APOL5: variants seen among roughly 807,000 people sequenced by gnomAD.
APOL5 encodes the protein apolipoprotein L, 5.
Under a neutral mutation model 35.5 loss-of-function variants are expected in APOL5, and 29 were observed. The ratio of observed to expected loss-of-function variants is 0.82; its 90% CI spans 0.61 to 1.11. APOL5 has a LOEUF of 1.11. Ranked by LOEUF, APOL5 falls within the 50% of genes most tolerant of loss-of-function variation. The probability of loss-of-function intolerance (pLI) is 0.00; values close to 1 mark genes in which losing one functional copy is unlikely to be tolerated. For missense variants in APOL5, 514 were observed against 530.4 expected (o/e 0.97, Z 0.30); for synonymous variants, 188 against 200.2 (o/e 0.94, Z 0.51).
chr22:35,713,696 C>T (rs1191059542), upstream of APOL5, among the ~76,000 whole-genome samples: 2 of 152,126 alleles, frequency 1.3e-5, no homozygotes, highest in African/African-American at 2.4e-5. Context: ...CCAAGGGATC[C>T]TCAGAGATAC....
chr22:35,714,466 C>T (rs1295436299), upstream of APOL5, among the ~76,000 whole-genome samples: 1 of 152,188 alleles, frequency 6.6e-6, no homozygotes, highest in Non-Finnish European at 1.5e-5. Flanking sequence ...GCCATGCCTT[C>T]TCACTATGTG....
At position 35,726,567 on chromosome 22, in the gene APOL5, C is replaced by G; in HGVS notation, c.499C>G (p.Leu167Val). The G allele has an allele frequency of 6.2e-7, 1 of 1,614,162 alleles. No individual in the cohort carries two copies. Among genetic ancestry groups the G allele is most frequent in the Non-Finnish European group, 8.5e-7 (1 of 1,180,034 alleles). ...ALAPVTAGGS[L>V]MLSATGTGLG... Reference sequence around the variant, plus strand: ...AGCACCTGTGACAGCAGGAGGCAGTCTCATGCTCTCAGCAACTGGGACAGG... The same window carrying G: ...AGCACCTGTGACAGCAGGAGGCAGTGTCATGCTCTCAGCAACTGGGACAGG... The change falls in exon 3 of 5, where the codon CTC becomes GTC. Residue 167 changes from leucine (L) to valine (V), a missense_variant. This residue lies in a region of APOL5 where 254 missense variants were observed against 254.7 expected (regional missense o/e 1.00). Coordinates refer to ENST00000249044, the MANE Select transcript of APOL5 (RefSeq NM_030642.1).
intron 3 of APOL5, among the ~76,000 whole-genome samples, chr22:35,727,838 C>A (rs1370075157): frequency 6.6e-6 from 1 of 152,214 alleles, no homozygotes; most frequent in African/African-American, 2.4e-5. Context: ...CATTTCTAGA[C>A]TCTCCTATGT....
intron 2 of APOL5, among the ~76,000 whole-genome samples, chr22:35,725,532 C>T (rs549781434): frequency 3.3e-5 from 5 of 151,448 alleles, no homozygotes; most frequent in South Asian, 4.2e-4. Flanking sequence ...GGATTACAGG[C>T]GTGAGCCACC....
chr22:35,717,296 T>TG (rs1470977541), upstream of APOL5, among the ~76,000 whole-genome samples: 67 of 142,734 alleles, frequency 4.7e-4, no homozygotes, highest in African/African-American at 1.6e-3. Context: ...CCCCGCCACT[T>TG]GGGGGGCTAA....
chr22:35,723,727 G>A (rs990176603), intron 2 of APOL5, among the ~76,000 whole-genome samples: 3 of 152,228 alleles, frequency 2.0e-5, no homozygotes, highest in Non-Finnish European at 4.4e-5. Flanking sequence ...TTGGGAGGCC[G>A]AGGGGAGGTG....
At chr22:35,720,530 C>G (rs375249154) in intron 1 of APOL5, 38 bp from the exon 2 acceptor site, 213 of 1,597,898 alleles carry the variant, frequency 1.3e-4, no homozygotes, top group Non-Finnish European at 1.8e-4. Context: ...GCTGAGATGA[C>G]TCAAGAAGAA....
intron 1 of APOL5, among the ~76,000 whole-genome samples, chr22:35,720,066 C>G (rs886944293): frequency 6.6e-6 from 1 of 152,190 alleles, no homozygotes; most frequent in African/African-American, 2.4e-5. Context: ...GTGTTCCTCT[C>G]GATGTCCAGC....
At chr22:35,727,431 A>G (rs1241083253) in intron 3 of APOL5, among the ~76,000 whole-genome samples, 1 of 151,970 alleles carries the variant, frequency 6.6e-6, no homozygotes, top group Non-Finnish European at 1.5e-5. Context: ...TTGAAATCCC[A>G]TATTTGTGTG....
Position 35,728,745 on chromosome 22 carries a change from G to C in APOL5, c.1149G>C (p.Trp383Cys), listed in dbSNP as rs903449763. ...KPEGSRSPLP[W>C]PVVEHQPRLG... ...CAGGGTCTCGCTCACCTCTCCCCTG[G>C]CCTGTTGTGGAGCACCAGCCTAGGC... The change falls in exon 4 of 5, where the codon TGG becomes TGC. Residue 383 changes from tryptophan to cysteine, a missense_variant. This residue lies in a region of APOL5 where 238 missense variants were observed against 229.1 expected (regional missense o/e 1.04). Transcript: ENST00000249044. 5.0e-6 allele frequency: 8 copies of C among 1,612,790 alleles called. No individual in the cohort carries two copies. The Admixed American group carries it at 1.0e-4, about 20-fold the overall frequency.
chr22:35,728,965 C>T, intron 4 of APOL5, 61 bp downstream of exon 4: 1 of 1,477,240 alleles, frequency 6.8e-7, no homozygotes, highest in Non-Finnish European at 9.0e-7. Context: ...GTAACCCCTC[C>T]TTGGGTGGGT....
rs759754344 is a variant in APOL5, at chr22:35,727,121, G to T, written c.1053G>T (p.Pro351=). The T allele has an allele frequency of 4.0e-5, 65 of 1,610,710 alleles. No individual in the cohort carries two copies. The highest frequency in any genetic ancestry group is 5.2e-5 in the Non-Finnish European group (61 of 1,180,036). Residue 351 remains proline (P), a synonymous_variant, in exon 3 of 5, where the codon CCG becomes CCT. Transcript: ENST00000249044. ...TCACCCAGCACCACCGGCACCTGCC[G>T]CAGAAGGCGAGCCAGACCTGTTCCA... ...DRLTQHHRHL[P]QKASQTCSSS... is the part of the protein sequence containing the mutation.
chr22:35,721,344 G>A (rs1926964696), intron 2 of APOL5, among the ~76,000 whole-genome samples: 1 of 151,998 alleles, frequency 6.6e-6, no homozygotes, highest in African/African-American at 2.4e-5. Context: ...GGAGTTCAAG[G>A]ACAGATTGGC....
At chr22:35,715,873 A>C (rs552299709), upstream of APOL5, among the ~76,000 whole-genome samples, 1 of 152,218 alleles carries the variant, frequency 6.6e-6, no homozygotes, top group African/African-American at 2.4e-5. Context: ...CTATCTATGT[A>C]GAGCATAGGA....
intron 1 of APOL5, 66 bp from the exon 2 acceptor site, chr22:35,720,502 A>G: frequency 7.1e-7 from 1 of 1,410,742 alleles, no homozygotes; most frequent in Admixed American, 1.8e-5. Context: ...TTCCCGGAGC[A>G]CTGTTATGTC....
upstream of APOL5, among the ~76,000 whole-genome samples, chr22:35,713,369 A>G (rs1189548939): frequency 6.6e-6 from 1 of 152,142 alleles, no homozygotes; most frequent in Non-Finnish European, 1.5e-5. Flanking sequence ...CTTGACAGCG[A>G]AAGAAACAGA....
intron 1 of APOL5, among the ~76,000 whole-genome samples, chr22:35,718,503 G>A (rs996176960): frequency 6.7e-6 from 1 of 148,976 alleles, no homozygotes; most frequent in African/African-American, 2.5e-5. Context: ...CTGTAGTCCC[G>A]TTACTCGGGA....
At chr22:35,727,796 TG>T (rs1927222186) in intron 3 of APOL5, among the ~76,000 whole-genome samples, 1 of 152,172 alleles carries the variant, frequency 6.6e-6, no homozygotes, top group African/African-American at 2.4e-5. Flanking sequence ...TCAAATGAGT[TG>T]GGAAAGGATT....
At position 35,727,100 on chromosome 22, in the gene APOL5, C is replaced by G; in HGVS notation, c.1032C>G (p.Thr344=). ...TGGAGCAGGAGCTGGACCGGCTCAC[C>G]CAGCACCACCGGCACCTGCCGCAGA... ...KKLEQELDRL[T]QHHRHLPQKA... Residue 344 remains threonine (T), a synonymous_variant, in exon 3 of 5, where the codon ACC becomes ACG. Coordinates refer to ENST00000249044, the MANE Select transcript of APOL5 (RefSeq NM_030642.1). 1 of 1,611,132 alleles carries G rather than the reference C, an allele frequency of 6.2e-7. No individual in the cohort carries two copies. The highest frequency in any genetic ancestry group is 2.2e-5 in the East Asian group (1 of 44,878).
Sources: allele counts gnomAD v4.1 joint callset (sites outside exome capture counted in the v4.1 genomes callset), GRCh38; gene constraint gnomAD v4.1.1; regional missense constraint gnomAD v4.1.1; transcripts MANE v1.5; gene names NCBI Gene and HGNC (gene_info 2026-07-23, HGNC 2026-07-21).